Variants in ABTB2 observed in about 807,000 individuals in gnomAD.
ABTB2 encodes ankyrin repeat and BTB/POZ domain-containing protein 2.
Under a neutral mutation model 104.1 loss-of-function variants are expected in ABTB2, and 56 were observed. The ratio of observed to expected loss-of-function variants is 0.54; its 90% CI spans 0.43 to 0.67. The LOEUF is 0.67. ABTB2 is among the 30% of genes least tolerant of loss of function. ABTB2 has a pLI of 0.00. For synonymous variants in ABTB2, 606 were observed against 608.2 expected, an observed-to-expected ratio of 1.00 and a Z score of 0.05; for missense variants, 1,279 against 1,407.7, an observed-to-expected ratio of 0.91 and a Z score of 1.46.
chr11:34,219,506 G>A (rs1359762968), intron 1 of ABTB2, among the ~76,000 whole-genome samples: 4 of 151,768 alleles, frequency 2.6e-5, no homozygotes, highest in Non-Finnish European at 5.9e-5. Flanking sequence ...TCATGCCACC[G>A]TACTCCAGCC....
rs144324911 is a variant in ABTB2 at position 34,186,790 on chromosome 11, C to T, written c.1244+10535G>A. 7.1e-3 allele frequency among the ~76,000 whole-genome samples: 1,083 copies of T among 152,296 alleles called. 8 individuals are homozygous for T. Among genetic ancestry groups the T allele is most frequent in the Non-Finnish European group, 0.011 (724 of 68,002 alleles). The stretch of plus-strand genomic sequence containing the variant: ...CGCTCCTTCTCGGATGCTGGGCAGA[C>T]GCCCACCCCCAGGCTGGCCTCCCAG... On this transcript the variant is annotated intron_variant, in intron 3 of 16. Transcript: ENST00000435224.
chr11:34,276,902 G>A (rs1350512159), intron 1 of ABTB2, among the ~76,000 whole-genome samples: 1 of 152,156 alleles, frequency 6.6e-6, no homozygotes, highest in East Asian at 1.9e-4. Context: ...TGAGAAGTAC[G>A]TGTGTATGTA....
At chr11:34,164,970 A>G (rs1852778237) in intron 8 of ABTB2, 149 bp from the exon 9 acceptor site, 3 of 1,093,322 alleles carry the variant, frequency 2.7e-6, no homozygotes, top group Middle Eastern at 2.3e-4. Context: ...TGGTGGACGA[A>G]GTGAAGGGAG....
At chr11:34,296,037 C>T (rs761689548) in intron 1 of ABTB2, among the ~76,000 whole-genome samples, 1 of 152,130 alleles carries the variant, frequency 6.6e-6, no homozygotes, top group South Asian at 2.1e-4. Flanking sequence ...GAGGCTAAGG[C>T]GGGAGTATTG....
chr11:34,331,208 T>A (rs1239334446), intron 1 of ABTB2, among the ~76,000 whole-genome samples: 1 of 152,208 alleles, frequency 6.6e-6, no homozygotes, highest in Non-Finnish European at 1.5e-5. Context: ...TCTTTTTAGT[T>A]TGGAGGCATT....
At chr11:34,167,797 C>T (rs1177318632) in intron 6 of ABTB2, 106 bp downstream of exon 6, 1 of 1,170,560 alleles carries the variant, frequency 8.5e-7, no homozygotes, top group African/African-American at 1.5e-5. Flanking sequence ...TTTTGACACA[C>T]ATCTACTCAG....
chr11:34,173,573 C>CA (rs1460431462), intron 3 of ABTB2, among the ~76,000 whole-genome samples: 2 of 152,158 alleles, frequency 1.3e-5, no homozygotes, highest in Non-Finnish European at 2.9e-5. Flanking sequence ...TTTCTGCTCA[C>CA]AGAGACCCCG....
chr11:34,243,282 T>C (rs1853941401), intron 1 of ABTB2, among the ~76,000 whole-genome samples: 1 of 152,072 alleles, frequency 6.6e-6, no homozygotes, highest in Non-Finnish European at 1.5e-5. Context: ...CAAATATATA[T>C]ATATATTTTA....
chr11:34,205,677 A>G (rs1663172076), intron 1 of ABTB2, among the ~76,000 whole-genome samples: 1 of 152,168 alleles, frequency 6.6e-6, no homozygotes, highest in Admixed American at 6.5e-5. Context: ...GAAAATTCCT[A>G]GAGATAACTG....
At position 34,264,489 on chromosome 11, in the gene ABTB2, G is replaced by A. The variant is rs116164205; in HGVS notation, c.884-59799C>T. Among the ~76,000 whole-genome samples, 1,089 of 152,350 alleles carry A rather than the reference G, an allele frequency of 7.1e-3. 11 individuals carry two copies. Among genetic ancestry groups the A allele is most frequent in the African/African-American group, 0.025 (1,050 of 41,570 alleles). ...TCCATGGGAATTTGCCCAGCTACTC[G>A]AGGGAGACCTTTCAAACTTGCTCAG... On this transcript the variant is annotated intron_variant, in intron 1 of 16. Transcript: ENST00000435224.
At chr11:34,230,681 T>C (rs958505895) in intron 1 of ABTB2, among the ~76,000 whole-genome samples, 4 of 152,194 alleles carry the variant, frequency 2.6e-5, no homozygotes, top group African/African-American at 9.7e-5. Context: ...CCTTCCATGG[T>C]GTCTGCCTGA....
chr11:34,152,482 G>C lies in ABTB2; in HGVS notation c.2983C>G (p.Arg995Gly). The change falls in exon 17 of 17, where the codon CGC becomes GGC. Residue 995 changes from arginine (R) to glycine (G), a missense_variant. Arg to Gly is a moderately radical substitution (Grantham distance 125). Transcript: ENST00000435224. ...QDAFRQLIYGRSSKVQGLDPL... is the reference protein window; with the variant it reads ...QDAFRQLIYGGSSKVQGLDPL... ...TCCAGGCCCTGCACTTTGCTGCTGC[G>C]GCCGTAGATGAGCTGCCGGAAGGCA... 6.2e-7 allele frequency: 1 copy of C among 1,607,288 alleles called. No individual in the cohort carries two copies. The highest frequency in any genetic ancestry group is 8.5e-7 in the Non-Finnish European group (1 of 1,177,882).
intron 1 of ABTB2, among the ~76,000 whole-genome samples, chr11:34,211,513 A>G (rs1853479806): frequency 6.6e-6 from 1 of 152,118 alleles, no homozygotes; most frequent in South Asian, 2.1e-4. Context: ...TTGAGACAAG[A>G]GCAAGATGAG....
intron 1 of ABTB2, among the ~76,000 whole-genome samples, chr11:34,294,594 G>A (rs1385478100): frequency 6.6e-6 from 1 of 152,132 alleles, no homozygotes; most frequent in African/African-American, 2.4e-5. Context: ...GATGGTTCTT[G>A]CCAGGTGTGG....
chr11:34,272,863 C>G (rs180671119), intron 1 of ABTB2, among the ~76,000 whole-genome samples: 98 of 152,092 alleles, frequency 6.4e-4, no homozygotes, highest in Non-Finnish European at 1.2e-3. Context: ...GTTAAGTGTA[C>G]AGCCTCTAAT....
chr11:34,164,888 G>C, intron 8 of ABTB2, 67 bp from the exon 9 acceptor site: 1 of 1,544,734 alleles, frequency 6.5e-7, no homozygotes, highest in Middle Eastern at 1.7e-4. Context: ...TGAGGCGAAA[G>C]GGAAGGGAGA....
At chr11:34,265,638 A>G (rs1854238546) in intron 1 of ABTB2, among the ~76,000 whole-genome samples, 2 of 144,828 alleles carry the variant, frequency 1.4e-5, no homozygotes, top group South Asian at 4.5e-4. Flanking sequence ...AGCCTGGGCA[A>G]CAAGAGCAAA....
chr11:34,204,446 C>A, intron 2 of ABTB2, 98 bp downstream of exon 2: 1 of 1,425,028 alleles, frequency 7.0e-7, no homozygotes, highest in Non-Finnish European at 9.3e-7. Context: ...GAGGCCAGAG[C>A]ACTTGGAGGA....
chr11:34,229,806 T>A (rs1001583957), intron 1 of ABTB2, among the ~76,000 whole-genome samples: 1 of 152,266 alleles, frequency 6.6e-6, no homozygotes, highest in African/African-American at 2.4e-5. Context: ...TGATACTTGT[T>A]AAATATTGTT....
Sources: gnomAD v4.1 joint callset for allele counts (sites outside exome capture counted in the v4.1 genomes callset) on GRCh38, gnomAD v4.1.1 for gene constraint, MANE v1.5 for transcripts, NCBI Gene and HGNC (gene_info 2026-07-23, HGNC 2026-07-21) for gene names.